Variants in GRIA3 observed in about 807,000 individuals in gnomAD.
GRIA3 encodes glutamate ionotropic receptor AMPA type subunit 3.
Under a neutral mutation model 63.0 loss-of-function variants are expected in GRIA3, and 3 were observed. That is an observed-to-expected ratio of 0.05 (90% CI 0.02 to 0.12). GRIA3 has a LOEUF of 0.12. Among genes scored for constraint, GRIA3 ranks in the 10% least tolerant of loss-of-function variants. The pLI, the probability that GRIA3 is intolerant of heterozygous loss-of-function variation, is 1.00. For missense variants in GRIA3, 347 were observed against 700.9 expected, an observed-to-expected ratio of 0.50 and a Z score of 5.70; for synonymous variants, 274 against 257.9, an observed-to-expected ratio of 1.06 and a Z score of -0.60.
intron 3 of GRIA3, among the ~76,000 whole-genome samples, chrX:123,254,663 A>G (rs2044409746): frequency 8.9e-6 from 1 of 111,878 alleles, no homozygotes; most frequent in Non-Finnish European, 1.9e-5. Flanking sequence ...CTGCATCATC[A>G]AATCTTAATA....
chrX:123,342,555 C>G (rs1048459119), intron 4 of GRIA3, among the ~76,000 whole-genome samples: 3 of 112,022 alleles, frequency 2.7e-5, no homozygotes, highest in African/African-American at 9.7e-5. Flanking sequence ...GGACTGAGTC[C>G]TAGAAACCTT....
At chrX:123,468,762 T>G (rs918536104) in intron 13 of GRIA3, among the ~76,000 whole-genome samples, 1 of 112,468 alleles carries the variant, frequency 8.9e-6, no homozygotes, top group Non-Finnish European at 1.9e-5. Flanking sequence ...GAGATTTACA[T>G]CTCTTCATTG....
At chrX:123,345,439 A>AACACACACAC (rs59142587) in intron 4 of GRIA3, among the ~76,000 whole-genome samples, 855 of 65,863 alleles carry the variant, frequency 0.013, 30 homozygotes, top group African/African-American at 0.047. Flanking sequence ...CCCCCTTCAC[A>AACACACACAC]ACACACACAC....
chrX:123,307,112 G>A (rs1273247208), intron 3 of GRIA3, among the ~76,000 whole-genome samples: 7 of 111,680 alleles, frequency 6.3e-5, no homozygotes, highest in Non-Finnish European at 1.3e-4. Flanking sequence ...AGACTGTCAG[G>A]CTCTAGGGAC....
At chrX:123,227,780 A>G (rs1285265794) in intron 2 of GRIA3, among the ~76,000 whole-genome samples, 3 of 112,324 alleles carry the variant, frequency 2.7e-5, no homozygotes, top group Non-Finnish European at 5.6e-5. Flanking sequence ...GTTGAGTTGA[A>G]TAGTTCAAGT....
chrX:123,235,535 C>T (rs1402395023), intron 2 of GRIA3, among the ~76,000 whole-genome samples: 1 of 111,113 alleles, frequency 9.0e-6, no homozygotes. Context: ...ACATGAAACA[C>T]AATACATTAA....
chrX:123,461,108 AT>A (rs772134243), intron 12 of GRIA3, among the ~76,000 whole-genome samples: 1 of 112,236 alleles, frequency 8.9e-6, no homozygotes, highest in Admixed American at 9.4e-5. Flanking sequence ...GCTGGTAGCC[AT>A]TTTTACCTGA....
intron 12 of GRIA3, among the ~76,000 whole-genome samples, chrX:123,436,432 A>C (rs2045644717): frequency 9.0e-6 from 1 of 111,296 alleles, no homozygotes; most frequent in Admixed American, 9.6e-5. Context: ...TATTGTGCTC[A>C]TCTCCTAGTT....
At chrX:123,363,578 C>T (rs1485354805) in intron 5 of GRIA3, among the ~76,000 whole-genome samples, 2 of 112,141 alleles carry the variant, frequency 1.8e-5, no homozygotes, top group African/African-American at 6.5e-5. Flanking sequence ...AGTTGTGTAA[C>T]CAGTGTCTAT....
chrX:123,382,717 A>G (rs1603125243), intron 5 of GRIA3, among the ~76,000 whole-genome samples: 1 of 111,771 alleles, frequency 8.9e-6, no homozygotes, highest in East Asian at 2.8e-4. Context: ...ATCTTCAAGA[A>G]AAGAGTGGTA....
At chrX:123,483,748 C>T (rs1424738554) in intron 15 of GRIA3, among the ~76,000 whole-genome samples, 7 of 111,657 alleles carry the variant, frequency 6.3e-5, no homozygotes, top group South Asian at 3.8e-4. Context: ...TTGGCTAACA[C>T]GGTGAAACCC....
At chrX:123,481,754 G>T (rs2045913711) in intron 14 of GRIA3, among the ~76,000 whole-genome samples, 1 of 111,386 alleles carries the variant, frequency 9.0e-6, no homozygotes, top group African/African-American at 3.3e-5. Flanking sequence ...CTACCTCAAG[G>T]TAGGGCTCAA....
intron 13 of GRIA3, among the ~76,000 whole-genome samples, chrX:123,477,446 G>A (rs138099102): frequency 3.8e-4 from 43 of 111,873 alleles, no homozygotes; most frequent in African/African-American, 1.3e-3. Flanking sequence ...AATCTCTTTG[G>A]TATCTGGTAT....
intron 2 of GRIA3, among the ~76,000 whole-genome samples, chrX:123,203,476 G>A (rs964048307): frequency 6.3e-5 from 7 of 111,370 alleles, no homozygotes; most frequent in African/African-American, 6.5e-5. Context: ...ATGATATCAC[G>A]AGGTTCCCTT....
At chrX:123,212,901 C>T (rs1266028669) in intron 2 of GRIA3, among the ~76,000 whole-genome samples, 1 of 111,767 alleles carries the variant, frequency 8.9e-6, no homozygotes, top group African/African-American at 3.3e-5. Flanking sequence ...GTGAGGGTGT[C>T]CACAGCAGGG....
intron 3 of GRIA3, among the ~76,000 whole-genome samples, chrX:123,257,350 T>C (rs1039453912): frequency 2.8e-5 from 3 of 108,440 alleles, no homozygotes; most frequent in Admixed American, 2.0e-4. Flanking sequence ...TTTTCAACAC[T>C]GGACTGAAAG....
chrX:123,392,933 A>G (rs2045394355), intron 5 of GRIA3, among the ~76,000 whole-genome samples: 1 of 111,904 alleles, frequency 8.9e-6, no homozygotes, highest in African/African-American at 3.3e-5. Context: ...TTAAACCCCA[A>G]TGGTAGCCTC....
intron 13 of GRIA3, among the ~76,000 whole-genome samples, chrX:123,470,752 G>A (rs771249107): frequency 1.8e-5 from 2 of 111,645 alleles, no homozygotes; most frequent in East Asian, 2.8e-4. Context: ...CTATGCCACC[G>A]TCTCTTAACC....
rs769227228 is a variant in GRIA3, at chrX:123,242,291, T to C, written c.269-11012T>C. On this transcript the variant is annotated intron_variant, in intron 2 of 15. Coordinates refer to ENST00000620443, the MANE Select transcript of GRIA3 (RefSeq NM_007325.5). ...CATCTCACCCTCTCCCTGCTCAGCA[T>C]GGGCTGCAAAATCAAAGAAAATGGC... Among the ~76,000 whole-genome samples, 67 of 112,133 alleles carry C rather than the reference T, an allele frequency of 6.0e-4. 1 individual carries two copies. The highest frequency in any genetic ancestry group is 1.6e-3 in the African/African-American group (50 of 30,967).
Sources: allele counts gnomAD v4.1 joint callset (sites outside exome capture counted in the v4.1 genomes callset), GRCh38; gene constraint gnomAD v4.1.1; transcripts MANE v1.5; gene names NCBI Gene and HGNC (gene_info 2026-07-23, HGNC 2026-07-21).